LYPD6: variants seen among roughly 807,000 people sequenced by gnomAD.
LYPD6 encodes LY6/PLAUR domain containing 6.
Under a neutral mutation model 22.7 loss-of-function variants are expected in LYPD6, and 15 were observed. The ratio of observed to expected loss-of-function variants is 0.66; its 90% CI spans 0.44 to 1.02. The LOEUF (loss-of-function observed/expected upper bound fraction) is 1.02, where lower values mean the gene tolerates loss of function less well. LYPD6 is among the 50% of genes least tolerant of loss of function. The pLI, the probability that LYPD6 is intolerant of heterozygous loss-of-function variation, is 0.00. For missense variants in LYPD6, 189 were observed against 208.4 expected (o/e 0.91, Z 0.57); for synonymous variants, 72 against 77.5 (o/e 0.93, Z 0.37).
chr2:149,388,980 T>C (rs1682248134), intron 1 of LYPD6, among the ~76,000 whole-genome samples: 1 of 152,170 alleles, frequency 6.6e-6, no homozygotes, highest in Non-Finnish European at 1.5e-5. Context: ...ACAAAATAGG[T>C]TAGTACTGTA....
chr2:149,336,129 C>T (rs557631654), intron 1 of LYPD6, among the ~76,000 whole-genome samples: 7 of 152,234 alleles, frequency 4.6e-5, no homozygotes, highest in Middle Eastern at 3.4e-3. Context: ...GGGAAATTGG[C>T]TAAGGAAACA....
chr2:149,380,119 C>T (rs1443641322), intron 1 of LYPD6, among the ~76,000 whole-genome samples: 1 of 152,186 alleles, frequency 6.6e-6, no homozygotes, highest in Non-Finnish European at 1.5e-5. Flanking sequence ...TGCAGATGCC[C>T]TGAGGCAGGA....
Position 149,401,517 on chromosome 2 carries a change from A to G in LYPD6, c.-71-36121A>G, listed in dbSNP as rs534246594. 1.1e-4 allele frequency among the ~76,000 whole-genome samples: 17 copies of G among 152,242 alleles called. No individual in the cohort carries two copies. The South Asian group carries it at 1.5e-3, about 13-fold the overall frequency. ...GAGCCCCAGGTGGGGTTAAGTGTCC[A>G]TTCTTCGAGCATTGATGGTACTCTG... On this transcript the variant is annotated intron_variant, in intron 1 of 4. Coordinates refer to ENST00000334166, the MANE Select transcript of LYPD6 (RefSeq NM_194317.5).
intron 1 of LYPD6, among the ~76,000 whole-genome samples, chr2:149,382,911 A>G (rs755615240): frequency 1.3e-5 from 2 of 152,192 alleles, no homozygotes; most frequent in Non-Finnish European, 2.9e-5. Context: ...AAAAGGCAAT[A>G]TATCTAGAAT....
chr2:149,376,002 G>C lies in LYPD6; in HGVS notation c.-72+45280G>C, dbSNP rs73964412. Among the ~76,000 whole-genome samples the C allele has an allele frequency of 2.4e-3, 365 of 152,348 alleles. 3 individuals carry two copies. The highest frequency in any genetic ancestry group is 8.2e-3 in the African/African-American group (342 of 41,588). ...AAGTGTTATTTTAGCCTGAGAGAAG[G>C]CAGCTGAACTGGAGATAGTGAACGC... On this transcript the variant is annotated intron_variant, in intron 1 of 4. Coordinates refer to ENST00000334166, the MANE Select transcript of LYPD6 (RefSeq NM_194317.5).
At chr2:149,392,244 C>A (rs1356599044) in intron 1 of LYPD6, among the ~76,000 whole-genome samples, 3 of 152,198 alleles carry the variant, frequency 2.0e-5, no homozygotes, top group African/African-American at 7.2e-5. Flanking sequence ...CAAATACCGT[C>A]ACACTGGAGG....
intron 1 of LYPD6, among the ~76,000 whole-genome samples, chr2:149,331,857 TACAC>T (rs1680945242): frequency 6.6e-6 from 1 of 152,220 alleles, no homozygotes; most frequent in Non-Finnish European, 1.5e-5. Context: ...TGCGGTGACA[TACAC>T]ACTGTTCTGC....
At chr2:149,374,791 A>C (rs1386774871) in intron 1 of LYPD6, among the ~76,000 whole-genome samples, 1 of 152,248 alleles carries the variant, frequency 6.6e-6, no homozygotes, top group Non-Finnish European at 1.5e-5. Flanking sequence ...TTTCAGGATG[A>C]AATTTGATTT....
intron 1 of LYPD6, among the ~76,000 whole-genome samples, chr2:149,374,319 A>G (rs539918772): frequency 3.9e-5 from 6 of 152,362 alleles, no homozygotes; most frequent in African/African-American, 1.4e-4. Context: ...GTGTTTTGTG[A>G]ATACGATGCA....
chr2:149,388,929 T>C (rs1682246721), intron 1 of LYPD6, among the ~76,000 whole-genome samples: 1 of 152,190 alleles, frequency 6.6e-6, no homozygotes, highest in Non-Finnish European at 1.5e-5. Context: ...TGGCTCTCCT[T>C]TCCTGGATGG....
At chr2:149,412,747 T>A (rs1682878898) in intron 1 of LYPD6, among the ~76,000 whole-genome samples, 1 of 152,200 alleles carries the variant, frequency 6.6e-6, no homozygotes, top group South Asian at 2.1e-4. Flanking sequence ...CAACTTTTTT[T>A]AAGCAAAAAA....
intron 3 of LYPD6, among the ~76,000 whole-genome samples, chr2:149,451,945 G>A (rs2105165169): frequency 6.6e-6 from 1 of 152,270 alleles, no homozygotes; most frequent in Non-Finnish European, 1.5e-5. Context: ...TAAGTGCCAA[G>A]TGGAACCTGG....
At chr2:149,462,803 A>G (rs927896373) in intron 3 of LYPD6, among the ~76,000 whole-genome samples, 39 of 152,204 alleles carry the variant, frequency 2.6e-4, no homozygotes, top group African/African-American at 8.4e-4. Flanking sequence ...TGGAGGAAAG[A>G]CAGCCTTTTT....
chr2:149,446,605 G>A lies in LYPD6; in HGVS notation c.119-2444G>A, dbSNP rs532204342. On this transcript the variant is annotated intron_variant, in intron 2 of 4. Transcript: ENST00000334166. ...TAAAATTTCCTCATGAAAATGGAGTGGTTGGATGGCTGTGTCTAAGCTGCT... is the reference window on the plus strand; with the variant it reads ...TAAAATTTCCTCATGAAAATGGAGTAGTTGGATGGCTGTGTCTAAGCTGCT... 2.6e-5 allele frequency among the ~76,000 whole-genome samples: 4 copies of A among 152,260 alleles called. No individual in the cohort carries two copies. The South Asian group carries it at 8.3e-4, about 32-fold the overall frequency.
At chr2:149,478,287 G>A (rs1573841075), downstream of LYPD6, among the ~76,000 whole-genome samples, 2 of 150,214 alleles carry the variant, frequency 1.3e-5, no homozygotes, top group East Asian at 3.9e-4. Flanking sequence ...CAGAGCCCCT[G>A]TTCAGTGGTT....
chr2:149,347,152 C>T (rs895168314), intron 1 of LYPD6, among the ~76,000 whole-genome samples: 2 of 149,876 alleles, frequency 1.3e-5, no homozygotes, highest in Admixed American at 1.3e-4. Context: ...GAAGAGAGGG[C>T]GAGAGAGAGA....
chr2:149,364,521 A>G (rs1381730865), intron 1 of LYPD6, among the ~76,000 whole-genome samples: 2 of 149,340 alleles, frequency 1.3e-5, no homozygotes, highest in African/African-American at 4.9e-5. Flanking sequence ...ATTCCCGCCC[A>G]TGACATGGAT....
intron 1 of LYPD6, among the ~76,000 whole-genome samples, chr2:149,406,153 AG>A (rs1323735827): frequency 6.7e-6 from 1 of 149,540 alleles, no homozygotes; most frequent in Admixed American, 6.6e-5. Context: ...TTTACTTCCA[AG>A]TATGTGGTCA....
chr2:149,344,080 A>G (rs756059939), intron 1 of LYPD6, among the ~76,000 whole-genome samples: 6 of 152,188 alleles, frequency 3.9e-5, no homozygotes, highest in Non-Finnish European at 8.8e-5. Context: ...TGTTTTCTGA[A>G]CACAAAATAT....
Sources: allele counts gnomAD v4.1 joint callset (sites outside exome capture counted in the v4.1 genomes callset), GRCh38; gene constraint gnomAD v4.1.1; transcripts MANE v1.5; gene names NCBI Gene and HGNC (gene_info 2026-07-23, HGNC 2026-07-21).